The following CHD4 variants were observed in gnomAD, a reference collection of about 807,000 sequenced individuals.
CHD4 encodes chromodomain helicase DNA binding protein 4, also known as ATP-dependent chromatin remodeler CHD4.
Under a neutral mutation model 235.5 loss-of-function variants are expected in CHD4, and 35 were observed. That is an observed-to-expected ratio of 0.15 (90% CI 0.11 to 0.20). CHD4 has a LOEUF of 0.20. Ranked by LOEUF, CHD4 falls within the 10% of genes least tolerant of loss-of-function variation. CHD4 has a pLI of 1.00. For synonymous variants in CHD4, 900 were observed against 850.2 expected, an observed-to-expected ratio of 1.06 and a Z score of -1.02; for missense variants, 1,329 against 2,432.3, an observed-to-expected ratio of 0.55 and a Z score of 9.54.
chr12:6,581,298 G>A lies in CHD4; in HGVS notation c.4772C>T (p.Ala1591Val). Residue 1591 changes from alanine (A) to valine (V), a missense_variant, in exon 32 of 40, where the codon GCC becomes GTC. Ala to Val is a moderately conservative substitution (Grantham distance 64, BLOSUM62 0). This residue lies in a region of CHD4 where 219 missense variants were observed against 219.3 expected (regional missense o/e 1.00). Transcript: ENST00000544040. The stretch of plus-strand genomic sequence containing the variant: ...AGTCACCCCATCTCTTACCTCAATG[G>A]CAGTCTCAGGGGCTGTAGATTTAAC... ...KEVKSTAPET[A>V]IECTQAPAPA... 1 of 1,614,026 alleles carries A rather than the reference G, an allele frequency of 6.2e-7. No homozygotes were observed. Among genetic ancestry groups the A allele is most frequent in the Non-Finnish European group, 8.5e-7 (1 of 1,179,948 alleles).
intron 15 of CHD4, 23 bp downstream of exon 15, chr12:6,594,436 C>A: frequency 6.3e-7 from 1 of 1,579,506 alleles, no homozygotes; most frequent in South Asian, 1.1e-5. Flanking sequence ...ACACAAAAAA[C>A]TATCCACCCC....
chr12:6,601,909 C>CA lies in CHD4; in HGVS notation c.438+50dup, dbSNP rs753567548. 14 of 1,600,034 alleles carry CA rather than the reference C, an allele frequency of 8.7e-6. No homozygotes were observed. The African/African-American group carries it at 1.7e-4, about 20-fold the overall frequency. ...AAAGGGCAGTAAGGTGTCTAGGAAA[C>CA]AAAAAGACAAAAGTTTAACAGTACA... On this transcript the variant is annotated intron_variant, in intron 4 of 39. Transcript: ENST00000544040.
intron 22 of CHD4, among the ~76,000 whole-genome samples, chr12:6,588,801 TG>T (rs1446365790): frequency 2.0e-5 from 3 of 149,834 alleles, no homozygotes; most frequent in Admixed American, 2.0e-4. Context: ...AAAATTTAGC[TG>T]GGAATGGTGG....
Position 6,578,323 on chromosome 12 carries a change from G to A in CHD4, c.5119+86C>T, listed in dbSNP as rs551169218. On this transcript the variant is annotated intron_variant, in intron 35 of 39. Transcript: ENST00000544040. ...TCCCTCATCAAACAGAGGTAAAGAG[G>A]TAAAGTCCCTGTACCGTGGTTTCTG... 3.3e-6 allele frequency: 5 copies of A among 1,511,540 alleles called. No homozygotes were observed. The East Asian group carries it at 6.8e-5, about 20-fold the overall frequency. 93.6% of individuals were successfully genotyped at this position (1,511,540 alleles called of 1,614,324 possible). A position where few individuals can be genotyped will look rare whatever the true frequency, so the allele number is the denominator to read the frequency against.
intron 13 of CHD4, 32 bp from the exon 14 acceptor site, chr12:6,595,462 A>G (rs779634924): frequency 2.5e-6 from 4 of 1,592,078 alleles, no homozygotes; most frequent in Middle Eastern, 1.7e-4. Context: ...CAGCTGCCCA[A>G]AATCCTTTTC....
rs776297162 is a variant in CHD4 at position 6,583,013 on chromosome 12, AG to A, written c.4147+13del. ...CAACATTTAGAAAAGCAACAAAAAA[AG>A]CACAGCCCTCACCTTCTGAACGTTC... On this transcript the variant is annotated intron_variant, in intron 27 of 39. Coordinates refer to ENST00000544040, the MANE Select transcript of CHD4 (RefSeq NM_001273.5). 2.5e-6 allele frequency: 4 copies of A among 1,586,578 alleles called. No individual in the cohort carries two copies. The African/African-American group carries it at 5.4e-5, about 22-fold the overall frequency.
chr12:6,592,931 C>A (rs1370093297), intron 17 of CHD4, 114 bp from the exon 18 acceptor site: 1 of 1,513,376 alleles, frequency 6.6e-7, no homozygotes, highest in Admixed American at 2.0e-5. Flanking sequence ...TCCTCACATT[C>A]TTTTTAAAGG....
chr12:6,576,626 G>C (rs557017772), intron 37 of CHD4, among the ~76,000 whole-genome samples: 1 of 151,948 alleles, frequency 6.6e-6, no homozygotes, highest in South Asian at 2.1e-4. Context: ...TGTCTTTTTT[G>C]AGGTGAGTCT....
rs1592256691 is a variant in CHD4 at position 6,573,067 on chromosome 12, T to C, written c.5557+7A>G. The C allele has an allele frequency of 6.3e-7, 1 of 1,593,954 alleles. No individual in the cohort carries two copies. Among genetic ancestry groups the C allele is most frequent in the Non-Finnish European group, 8.5e-7 (1 of 1,173,032 alleles). On this transcript the variant is annotated splice_region_variant and intron_variant, in intron 38 of 39. Transcript: ENST00000544040. ...AATCGGCAGGAGGCAGGGGAGCCACTGGCTACCTTTGTGCAGGACTGCATT... is the reference window on the plus strand; with the variant it reads ...AATCGGCAGGAGGCAGGGGAGCCACCGGCTACCTTTGTGCAGGACTGCATT...
chr12:6,598,110 A>G lies in CHD4; in HGVS notation c.1687-11T>C. 6.2e-7 allele frequency: 1 copy of G among 1,614,010 alleles called. No individual in the cohort carries two copies. The highest frequency in any genetic ancestry group is 1.1e-5 in the South Asian group (1 of 91,064). Reference sequence around the variant, plus strand: ...ACAGTGCAGCTCCAGCTTTGAGCGGAAAGAGAAAATCAGCCACCAAGAAGC... The same window carrying G: ...ACAGTGCAGCTCCAGCTTTGAGCGGGAAGAGAAAATCAGCCACCAAGAAGC... On this transcript the variant is annotated splice_polypyrimidine_tract_variant and intron_variant, in intron 11 of 39. Transcript: ENST00000544040.
intron 13 of CHD4, 47 bp from the exon 14 acceptor site, chr12:6,595,477 G>A: frequency 1.3e-6 from 2 of 1,558,394 alleles, no homozygotes; most frequent in Non-Finnish European, 1.8e-6. Context: ...CTTTTCTATA[G>A]AAGAAACAAC....
At chr12:6,602,284 G>A (rs1948610577) in intron 3 of CHD4, 92 bp downstream of exon 3, 1 of 1,600,096 alleles carries the variant, frequency 6.2e-7, no homozygotes, top group South Asian at 1.1e-5. Context: ...CACCACTTCT[G>A]AGAAAGAAAC....
At chr12:6,592,320 GGGGA>G in intron 19 of CHD4, 69 bp downstream of exon 19, 3 of 1,504,872 alleles carry the variant, frequency 2.0e-6, no homozygotes, top group Non-Finnish European at 2.7e-6. Flanking sequence ...AAGCTGAGTG[GGGGA>G]GGAATAGGAA....
In CHD4 at chr12:6,600,310, G is replaced by A; in HGVS notation, c.1149C>T (p.Ile383=). 1 of 1,614,134 alleles carries A rather than the reference G, an allele frequency of 6.2e-7. No homozygotes were observed. Among genetic ancestry groups the A allele is most frequent in the East Asian group, 2.2e-5 (1 of 44,876 alleles). Residue 383 remains isoleucine, a synonymous_variant, in exon 9 of 40, where the codon ATC becomes ATT. Coordinates refer to ENST00000544040, the MANE Select transcript of CHD4 (RefSeq NM_001273.5). ...CEVCQQGGEI[I]LCDTCPRAYH... ...AAGCACGGGGACAGGTATCACACAG[G>A]ATGATCTCACCGCCTTGCTGGCACA...
chr12:6,592,985 A>T, intron 17 of CHD4, 106 bp downstream of exon 17: 2 of 1,537,368 alleles, frequency 1.3e-6, no homozygotes, highest in South Asian at 2.4e-5. Flanking sequence ...GAAGGCAGAG[A>T]CAATTTTCCC....
chr12:6,587,212 T>G (rs545676486), intron 25 of CHD4, 172 bp downstream of exon 25: 1 of 641,346 alleles, frequency 1.6e-6, no homozygotes, highest in African/African-American at 1.8e-5. Flanking sequence ...AAGGCAAAGA[T>G]GAAAATCTGA....
At chr12:6,606,552 T>C in intron 1 of CHD4, 101 bp from the exon 2 acceptor site, 1 of 491,692 alleles carries the variant, frequency 2.0e-6, no homozygotes, top group Non-Finnish European at 3.6e-6. Context: ...CCAGCCACCC[T>C]AGCAGGGCAC....
rs200352853 is a variant in CHD4 at position 6,573,162 on chromosome 12, A to G, written c.5469T>C (p.Ala1823=). The G allele has an allele frequency of 1.2e-6, 2 of 1,610,140 alleles. No individual in the cohort carries two copies. Among genetic ancestry groups the G allele is most frequent in the East Asian group, 2.2e-5 (1 of 44,538 alleles). ...HPSMALNTRF[A]EVECLAESHQ... is the part of the protein sequence containing the mutation. ...GACTTTCCGCCAAACACTCCACCTC[A>G]GCAAAGCGGGTGTTGAGGGCCATGG... is the stretch of plus-strand genomic sequence containing the variant. The change falls in exon 38 of 40, where the codon GCT becomes GCC. Residue 1823 remains alanine (A), a synonymous_variant. Coordinates refer to ENST00000544040, the MANE Select transcript of CHD4 (RefSeq NM_001273.5).
Position 6,573,282 on chromosome 12 carries a change from T to G in CHD4, c.5362-13A>C. 1 of 1,534,772 alleles carries G rather than the reference T, an allele frequency of 6.5e-7. No homozygotes were observed. The stretch of plus-strand genomic sequence containing the variant: ...CTTGTTCTAAGAGCTGGACAAGGGA[T>G]AAGAGGAAACGGGAGTTCGACTGAT... On this transcript the variant is annotated splice_polypyrimidine_tract_variant and intron_variant, in intron 37 of 39. Coordinates refer to ENST00000544040, the MANE Select transcript of CHD4 (RefSeq NM_001273.5).
Sources: gnomAD v4.1 joint callset for allele counts (sites outside exome capture counted in the v4.1 genomes callset) on GRCh38, gnomAD v4.1.1 for gene constraint, gnomAD v4.1.1 regional missense constraint, MANE v1.5 for transcripts, NCBI Gene and HGNC (gene_info 2026-07-23, HGNC 2026-07-21) for gene names.